The following DIRAS2 variants were observed in gnomAD, a reference collection of about 807,000 sequenced individuals.
The protein encoded by DIRAS2 is GTP-binding protein Di-Ras2.
A neutral mutation model predicts 13.9 loss-of-function variants in DIRAS2; 5 were observed. That is an observed-to-expected ratio of 0.36 (90% confidence interval 0.19 to 0.76). The LOEUF (loss-of-function observed/expected upper bound fraction) is 0.76, where lower values mean the gene tolerates loss of function less well. Among genes scored for constraint, DIRAS2 ranks in the 30% least tolerant of loss-of-function variants. DIRAS2 has a pLI of 0.53. For missense variants in DIRAS2, 191 were observed against 263.0 expected, an observed-to-expected ratio of 0.73 and a Z score of 1.89; for synonymous variants, 111 against 105.4, an observed-to-expected ratio of 1.05 and a Z score of -0.33.
chr9:90,613,705 T>G lies in DIRAS2; in HGVS notation c.123A>C (p.Glu41Asp). The G allele has an allele frequency of 1.2e-6, 2 of 1,614,128 alleles. No homozygotes were observed. Among genetic ancestry groups the G allele is most frequent in the Non-Finnish European group, 1.7e-6 (2 of 1,180,020 alleles). ...AGCTGATCACTTGCCGGTAGGTGTCTTCCACCGTCGGGATGTAGCTCTCCC... is the reference window on the plus strand; with the variant it reads ...AGCTGATCACTTGCCGGTAGGTGTCGTCCACCGTCGGGATGTAGCTCTCCC... ...TFRESYIPTV[E>D]DTYRQVISCD... The change falls in exon 2 of 2, where the codon GAA becomes GAC. Residue 41 changes from glutamate (E) to aspartate (D), a missense_variant. Transcript: ENST00000375765. This position sits in a 1 kb window ranked among gnomAD's most constrained non-coding sequence, Gnocchi z 5.6.
chr9:90,616,389 T>C (rs1272529129), intron 1 of DIRAS2, among the ~76,000 whole-genome samples: 1 of 152,036 alleles, frequency 6.6e-6, no homozygotes, highest in Non-Finnish European at 1.5e-5. Flanking sequence ...CAGACATCAA[T>C]CCAAAAGATA....
chr9:90,618,504 C>T (rs1825190226), intron 1 of DIRAS2, among the ~76,000 whole-genome samples: 1 of 152,110 alleles, frequency 6.6e-6, no homozygotes, highest in African/African-American at 2.4e-5. Flanking sequence ...TTGGAGTAAA[C>T]AGTGTTTTCT....
chr9:90,629,904 A>G (rs1365423306), intron 1 of DIRAS2, among the ~76,000 whole-genome samples: 1 of 152,192 alleles, frequency 6.6e-6, no homozygotes, highest in Non-Finnish European at 1.5e-5. Context: ...GGCCAACCCT[A>G]TTAGAAGTTA....
intron 1 of DIRAS2, among the ~76,000 whole-genome samples, chr9:90,627,322 G>A (rs759433478): frequency 6.6e-6 from 1 of 152,104 alleles, no homozygotes; most frequent in Non-Finnish European, 1.5e-5. Context: ...AATGCACTAT[G>A]GCAACAGAAA....
At chr9:90,638,433 G>T (rs1419724890) in intron 1 of DIRAS2, among the ~76,000 whole-genome samples, 1 of 152,136 alleles carries the variant, frequency 6.6e-6, no homozygotes, top group Non-Finnish European at 1.5e-5. Context: ...CATTTACACA[G>T]ACCTTACTCA....
intron 1 of DIRAS2, among the ~76,000 whole-genome samples, chr9:90,626,983 G>T (rs1825275544): frequency 6.6e-6 from 1 of 152,198 alleles, no homozygotes; most frequent in Admixed American, 6.5e-5. Context: ...GTGGGGCCCG[G>T]TGGGAGGTGT....
At chr9:90,625,825 T>C (rs1351007086) in intron 1 of DIRAS2, 1 of 152,176 alleles carries the variant, frequency 6.6e-6, no homozygotes, top group Non-Finnish European at 1.5e-5. Flanking sequence ...TACAAATAGA[T>C]AAATTAGGCT....
At chr9:90,636,081 A>G (rs1379381880) in intron 1 of DIRAS2, among the ~76,000 whole-genome samples, 4 of 119,512 alleles carry the variant, frequency 3.3e-5, no homozygotes, top group Non-Finnish European at 6.3e-5. Context: ...TCCGTCACTC[A>G]GGCTGGAGTG....
At chr9:90,639,527 TGCGG>T (rs1462313807) in intron 1 of DIRAS2, among the ~76,000 whole-genome samples, 1 of 152,194 alleles carries the variant, frequency 6.6e-6, no homozygotes, top group African/African-American at 2.4e-5. Flanking sequence ...TAATGGGACT[TGCGG>T]GCTAAGTTGC....
rs1189928679 is a variant in DIRAS2 at position 90,633,053 on chromosome 9, C to G, written c.-37+9699G>C. 3.4e-5 allele frequency among the ~76,000 whole-genome samples: 5 copies of G among 145,266 alleles called. No individual in the cohort carries two copies. The East Asian group carries it at 8.3e-4, about 24-fold the overall frequency. On this transcript the variant is annotated intron_variant, in intron 1 of 1. Transcript: ENST00000375765. ...GAGACAGCACGGAGCCTTTCACATACTGGAAGGAGAGTGCCACCGTGGGTT... is the reference window on the plus strand; with the variant it reads ...GAGACAGCACGGAGCCTTTCACATAGTGGAAGGAGAGTGCCACCGTGGGTT...
Position 90,613,337 on chromosome 9 carries a change from T to C in DIRAS2, c.491A>G (p.Glu164Gly). 1 of 1,613,996 alleles carries C rather than the reference T, an allele frequency of 6.2e-7. No homozygotes were observed. Among genetic ancestry groups the C allele is most frequent in the Non-Finnish European group, 8.5e-7 (1 of 1,180,004 alleles). ...LNHNVKELFQ[E>G]LLNLEKRRTV... ...CCTGCGCTTCTCCAGGTTGAGCAGCTCCTGGAAAAGCTCCTTCACGTTATG... is the reference window on the plus strand; with the variant it reads ...CCTGCGCTTCTCCAGGTTGAGCAGCCCCTGGAAAAGCTCCTTCACGTTATG... The change falls in exon 2 of 2, where the codon GAG (glutamate) becomes GGG (glycine). Residue 164 changes from glutamate (E) to glycine (G), a missense_variant. By Grantham distance (98) the Glu-to-Gly change is moderately conservative (BLOSUM62 -2). Coordinates refer to ENST00000375765, the MANE Select transcript of DIRAS2 (RefSeq NM_017594.5). This position sits in a 1 kb window ranked among gnomAD's most constrained non-coding sequence, Gnocchi z 5.6.
In DIRAS2 at chr9:90,630,288, G is replaced by C. The variant is rs139488600; in HGVS notation, c.-37+12464C>G. On this transcript the variant is annotated intron_variant, in intron 1 of 1. Coordinates refer to ENST00000375765, the MANE Select transcript of DIRAS2 (RefSeq NM_017594.5). ...AACAAAGGAAAGTTGTAGCAGCGAAGAGAATTCAACCATAAAAAAGTAAAT... is the reference window on the plus strand; with the variant it reads ...AACAAAGGAAAGTTGTAGCAGCGAACAGAATTCAACCATAAAAAAGTAAAT... Among the ~76,000 whole-genome samples the C allele has an allele frequency of 2.2e-4, 33 of 152,310 alleles. No individual in the cohort carries two copies. The East Asian group carries it at 6.2e-3, about 28-fold the overall frequency.
chr9:90,625,669 G>A (rs2044175563), intron 1 of DIRAS2, among the ~76,000 whole-genome samples: 1 of 152,138 alleles, frequency 6.6e-6, no homozygotes, highest in Admixed American at 6.5e-5. Flanking sequence ...CTATCCCATT[G>A]CTCTATATGT....
At position 90,614,306 on chromosome 9, in the gene DIRAS2, A is replaced by ATGTGTGTGTG. The variant is rs34548591; in HGVS notation, c.-36-453_-36-444dup. ...AGTACCCAATATACTGGTCATCATA[A>ATGTGTGTGTG]TGTGTGTGTGTGTGTGTGTGTGTGT... is the stretch of plus-strand genomic sequence containing the variant. On this transcript the variant is annotated intron_variant, in intron 1 of 1. Transcript: ENST00000375765. Among the ~76,000 whole-genome samples the ATGTGTGTGTG allele has an allele frequency of 5.2e-3, 697 of 134,904 alleles. 2 individuals carry two copies. The highest frequency in any genetic ancestry group is 8.1e-3 in the Non-Finnish European group (510 of 62,796). 88.5% of individuals were successfully genotyped at this position (134,904 alleles called of 152,430 possible).
At chr9:90,634,639 G>A (rs562392248) in intron 1 of DIRAS2, among the ~76,000 whole-genome samples, 14 of 152,290 alleles carry the variant, frequency 9.2e-5, no homozygotes, top group Middle Eastern at 6.8e-3. Flanking sequence ...ACAGAGGAAA[G>A]GAACATTGGC....
chr9:90,638,279 CATT>C (rs1248460918), intron 1 of DIRAS2, among the ~76,000 whole-genome samples: 1 of 152,126 alleles, frequency 6.6e-6, no homozygotes, highest in African/African-American at 2.4e-5. Flanking sequence ...AGGCACAAAG[CATT>C]ATATGTAAAT....
chr9:90,621,522 T>C (rs1192189511), intron 1 of DIRAS2, among the ~76,000 whole-genome samples: 1 of 152,180 alleles, frequency 6.6e-6, no homozygotes, highest in African/African-American at 2.4e-5. Context: ...TGCATTTTAA[T>C]AATTTTTTAT....
Position 90,613,065 on chromosome 9 carries a change from G to C in DIRAS2, c.*163C>G. 1 of 1,002,270 alleles carries C rather than the reference G, an allele frequency of 1.0e-6. No individual in the cohort carries two copies. The highest frequency in any genetic ancestry group is 2.8e-5 in the Admixed American group (1 of 36,154). The allele number at this position is 1,002,270 out of a possible 1,614,324, so 62.1% of individuals were successfully genotyped here. Reference sequence around the variant, plus strand: ...GTGACTCCAGAGTGGGTGGCTTACTGTTGGTGGTGTGAAACGCCCTCTTAA... The same window carrying C: ...GTGACTCCAGAGTGGGTGGCTTACTCTTGGTGGTGTGAAACGCCCTCTTAA... On this transcript the variant is annotated 3_prime_UTR_variant, in exon 2 of 2. Transcript: ENST00000375765. The surrounding 1 kb of genome is among the most constrained non-coding windows in gnomAD (Gnocchi z 5.6).
intron 1 of DIRAS2, among the ~76,000 whole-genome samples, chr9:90,640,073 G>C (rs1223484453): frequency 6.6e-6 from 1 of 152,192 alleles, no homozygotes; most frequent in African/African-American, 2.4e-5. Flanking sequence ...TATCTTACCA[G>C]TATTTTGTAT....
Sources: allele counts gnomAD v4.1 joint callset (sites outside exome capture counted in the v4.1 genomes callset), GRCh38; gene constraint gnomAD v4.1.1; non-coding constraint Gnocchi (gnomAD v3.1); transcripts MANE v1.5; gene names NCBI Gene and HGNC (gene_info 2026-07-23, HGNC 2026-07-21).